The following ATG10 variants were observed in gnomAD, a reference collection of about 807,000 sequenced individuals.
The protein encoded by ATG10 is autophagy related 10, also known as ubiquitin-like-conjugating enzyme ATG10.
ATG10 carries 30 observed loss-of-function variants against 32.1 expected under a neutral mutation model. That is an observed-to-expected ratio of 0.94 (90% CI 0.70 to 1.27). The LOEUF is 1.27. Among genes scored for constraint, ATG10 ranks in the 50% most tolerant of loss-of-function variants. ATG10 has a pLI of 0.00. For missense variants in ATG10, 233 were observed against 262.3 expected (o/e 0.89, Z 0.77); for synonymous variants, 87 against 91.5 (o/e 0.95, Z 0.28).
intron 3 of ATG10, among the ~76,000 whole-genome samples, chr5:82,059,394 A>T (rs573544479): frequency 0.023 from 3,416 of 150,340 alleles, 76 homozygotes; most frequent in Admixed American, 0.049. Context: ...TCATATACAC[A>T]CACACACACA....
chr5:82,112,549 A>T (rs1765652648), intron 3 of ATG10, among the ~76,000 whole-genome samples: 1 of 151,918 alleles, frequency 6.6e-6, no homozygotes, highest in South Asian at 2.1e-4. Context: ...ATGATGATAT[A>T]CAGTATTGTA....
At chr5:82,074,066 T>C (rs1212494467) in intron 3 of ATG10, among the ~76,000 whole-genome samples, 2 of 152,192 alleles carry the variant, frequency 1.3e-5, no homozygotes, top group African/African-American at 4.8e-5. Context: ...CCAAAACTGT[T>C]GAAGGATGAT....
intron 3 of ATG10, among the ~76,000 whole-genome samples, chr5:82,132,250 ATTT>A (rs1007147874): frequency 1.2e-4 from 18 of 151,774 alleles, no homozygotes; most frequent in African/African-American, 4.1e-4. Context: ...TATTATTATT[ATTT>A]TTTTTTATTA....
intron 5 of ATG10, among the ~76,000 whole-genome samples, chr5:82,224,561 A>G (rs1027961520): frequency 6.6e-6 from 1 of 152,152 alleles, no homozygotes; most frequent in African/African-American, 2.4e-5. Flanking sequence ...GAAGGAGAGA[A>G]TAGAGGCTCT....
intron 3 of ATG10, among the ~76,000 whole-genome samples, chr5:82,141,755 C>G (rs972426982): frequency 6.6e-6 from 1 of 151,418 alleles, no homozygotes; most frequent in African/African-American, 2.4e-5. Flanking sequence ...AAGGCTCATT[C>G]TTACTTATTT....
At chr5:82,090,002 T>G (rs1383952323) in intron 3 of ATG10, among the ~76,000 whole-genome samples, 2 of 151,624 alleles carry the variant, frequency 1.3e-5, no homozygotes, top group East Asian at 3.9e-4. Flanking sequence ...ATTATTAGCT[T>G]TTAGAGAAAT....
In ATG10 at chr5:81,987,563, C is replaced by A; in HGVS notation, c.-8C>A. On this transcript the variant is annotated 5_prime_UTR_variant, in exon 2 of 8. Transcript: ENST00000282185. ...TACTTAGTTTTTGTATTGCAGTTAT[C>A]ATTTAACATGGAAGAAGATGAGTTC... 1 of 1,577,370 alleles carries A rather than the reference C, an allele frequency of 6.3e-7. No individual in the cohort carries two copies. Among genetic ancestry groups the A allele is most frequent in the Non-Finnish European group, 8.7e-7 (1 of 1,153,066 alleles).
intron 3 of ATG10, among the ~76,000 whole-genome samples, chr5:82,114,004 C>G (rs1765699209): frequency 6.6e-6 from 1 of 151,484 alleles, no homozygotes; most frequent in Admixed American, 6.6e-5. Context: ...ATCTAGTAAT[C>G]ATTTAGTCTA....
chr5:82,230,796 G>T (rs1341770926), intron 5 of ATG10, among the ~76,000 whole-genome samples: 2 of 148,580 alleles, frequency 1.3e-5, no homozygotes, highest in Non-Finnish European at 3.0e-5. Context: ...ACCATGGAAT[G>T]ATGTAAATAT....
At chr5:82,100,129 C>A (rs1765218123) in intron 3 of ATG10, among the ~76,000 whole-genome samples, 1 of 146,826 alleles carries the variant, frequency 6.8e-6, no homozygotes, top group Non-Finnish European at 1.5e-5. Flanking sequence ...CTGCTTCAGA[C>A]TCCTGAGTAG....
chr5:82,128,328 G>C (rs1468537145), intron 3 of ATG10, among the ~76,000 whole-genome samples: 1 of 149,438 alleles, frequency 6.7e-6, no homozygotes, highest in Non-Finnish European at 1.5e-5. Context: ...GATCATGTCA[G>C]TATGATGCTA....
chr5:82,075,800 T>G (rs1199879090), intron 3 of ATG10, among the ~76,000 whole-genome samples: 2 of 152,022 alleles, frequency 1.3e-5, no homozygotes, highest in Admixed American at 1.3e-4. Flanking sequence ...CCAGGTGTGG[T>G]GGTGTGCACC....
intron 3 of ATG10, among the ~76,000 whole-genome samples, chr5:82,129,340 C>T (rs769132672): frequency 1.3e-5 from 2 of 151,972 alleles, no homozygotes; most frequent in Non-Finnish European, 2.9e-5. Flanking sequence ...AAGCCTACTT[C>T]TGTCAATTCA....
chr5:82,055,859 A>C (rs190285680), intron 2 of ATG10, among the ~76,000 whole-genome samples: 44 of 152,318 alleles, frequency 2.9e-4, no homozygotes, highest in Non-Finnish European at 4.6e-4. Context: ...ATATGCTTAG[A>C]TACACAAATA....
At chr5:82,163,668 A>T (rs1743456757) in intron 3 of ATG10, among the ~76,000 whole-genome samples, 1 of 152,200 alleles carries the variant, frequency 6.6e-6, no homozygotes, top group Admixed American at 6.5e-5. Flanking sequence ...GCTTCTAAAC[A>T]GTAAGGTACA....
chr5:82,197,716 TTCTTTCTA>T lies in ATG10; in HGVS notation c.453+19133_453+19140del, dbSNP rs1368426868. On this transcript the variant is annotated intron_variant, in intron 5 of 7. Coordinates refer to ENST00000282185, the MANE Select transcript of ATG10 (RefSeq NM_031482.5). Reference sequence around the variant, plus strand: ...CTGTCCCATTATTTTCTTTCTTTCTTTCTTTCTATCTATCTATCTATCTATCTATCTAT... The same window carrying T: ...CTGTCCCATTATTTTCTTTCTTTCTTTCTATCTATCTATCTATCTATCTAT... Among the ~76,000 whole-genome samples, 972 of 142,080 alleles carry T rather than the reference TTCTTTCTA, an allele frequency of 6.8e-3. 4 individuals are homozygous for T. Among genetic ancestry groups the T allele is most frequent in the African/African-American group, 0.015 (593 of 38,446 alleles). The allele number at this position is 142,080 out of a possible 152,430, so 93.2% of individuals were successfully genotyped here. A position where few individuals can be genotyped will look rare whatever the true frequency, so the allele number is the denominator to read the frequency against.
chr5:82,036,208 T>C (rs183175117), intron 2 of ATG10, among the ~76,000 whole-genome samples: 310 of 152,304 alleles, frequency 2.0e-3, no homozygotes, highest in African/African-American at 6.8e-3. Context: ...ATTTATCATA[T>C]ATTAACTTCT....
At chr5:82,098,043 A>G (rs2149799724) in intron 3 of ATG10, among the ~76,000 whole-genome samples, 1 of 152,290 alleles carries the variant, frequency 6.6e-6, no homozygotes, top group East Asian at 1.9e-4. Flanking sequence ...ATCTCATTCA[A>G]CAGTGGCCGC....
chr5:82,234,210 C>CT (rs1287603236), intron 5 of ATG10, among the ~76,000 whole-genome samples: 1 of 152,142 alleles, frequency 6.6e-6, no homozygotes, highest in Non-Finnish European at 1.5e-5. Context: ...TTATGTCATA[C>CT]TTTTAGGCAG....
Sources: gnomAD v4.1 joint callset for allele counts (sites outside exome capture counted in the v4.1 genomes callset) on GRCh38, gnomAD v4.1.1 for gene constraint, MANE v1.5 for transcripts, NCBI Gene and HGNC (gene_info 2026-07-23, HGNC 2026-07-21) for gene names.